Variants in NCALD observed in about 807,000 individuals in gnomAD.
The protein encoded by NCALD is neurocalcin-delta.
In NCALD, 10 loss-of-function variants were observed where a neutral mutation model predicts 18.6. That is an observed-to-expected ratio of 0.54 (90% CI 0.33 to 0.91). The LOEUF (loss-of-function observed/expected upper bound fraction) is 0.91, where lower values mean the gene tolerates loss of function less well. NCALD is among the 40% of genes least tolerant of loss of function. The pLI, the probability that NCALD is intolerant of heterozygous loss-of-function variation, is 0.03. For missense variants in NCALD, 184 were observed against 247.6 expected (o/e 0.74, Z 1.72); for synonymous variants, 88 against 87.4 (o/e 1.01, Z -0.04).
chr8:101,900,913 T>C (rs1442217603), intron 3 of NCALD, among the ~76,000 whole-genome samples: 2 of 152,068 alleles, frequency 1.3e-5, no homozygotes, highest in Non-Finnish European at 2.9e-5. Context: ...CTATCAGTTA[T>C]TGAGAGAAGT....
At chr8:102,000,547 A>G (rs902905074) in intron 2 of NCALD, among the ~76,000 whole-genome samples, 3 of 152,198 alleles carry the variant, frequency 2.0e-5, no homozygotes, top group Non-Finnish European at 4.4e-5. Context: ...CTCCCAGCAC[A>G]CAGCTTGAGA....
At chr8:101,747,543 T>C (rs1444392675) in intron 1 of NCALD, among the ~76,000 whole-genome samples, 2 of 152,128 alleles carry the variant, frequency 1.3e-5, no homozygotes, top group African/African-American at 4.8e-5. Flanking sequence ...TAGTGTGAGA[T>C]AGAGAATAAA....
chr8:102,084,791 G>A (rs982772016), intron 1 of NCALD, among the ~76,000 whole-genome samples: 8 of 152,184 alleles, frequency 5.3e-5, no homozygotes, highest in Admixed American at 4.6e-4. Flanking sequence ...ACTTTCAGGT[G>A]TTTTCTATCT....
chr8:101,696,393 G>C (rs1586226173), intron 2 of NCALD, among the ~76,000 whole-genome samples: 1 of 152,212 alleles, frequency 6.6e-6, no homozygotes, highest in Non-Finnish European at 1.5e-5. Flanking sequence ...TATAGTGGGA[G>C]AGTTAGGTTT....
chr8:101,980,823 C>T (rs1563505106), intron 2 of NCALD, among the ~76,000 whole-genome samples: 1 of 152,180 alleles, frequency 6.6e-6, no homozygotes, highest in South Asian at 2.1e-4. Context: ...GATTGCATAG[C>T]CATGAAGATC....
At chr8:101,825,192 C>A (rs1334906858) in intron 4 of NCALD, among the ~76,000 whole-genome samples, 1 of 152,226 alleles carries the variant, frequency 6.6e-6, no homozygotes, top group Non-Finnish European at 1.5e-5. Flanking sequence ...CTGTTGTCAT[C>A]CTCTGAGCAG....
At chr8:102,014,133 C>A (rs1821999151) in intron 2 of NCALD, among the ~76,000 whole-genome samples, 1 of 152,122 alleles carries the variant, frequency 6.6e-6, no homozygotes, top group African/African-American at 2.4e-5. Flanking sequence ...AGTCTCTGTC[C>A]ATTTGGGCTG....
chr8:101,705,654 C>G (rs78069044), intron 2 of NCALD, among the ~76,000 whole-genome samples: 57 of 152,164 alleles, frequency 3.7e-4, no homozygotes, highest in Non-Finnish European at 6.5e-4. Context: ...AAAGGAGATA[C>G]AGCTCTGCCT....
intron 2 of NCALD, among the ~76,000 whole-genome samples, chr8:101,949,775 C>T (rs200835209): frequency 6.7e-6 from 1 of 148,342 alleles, no homozygotes; most frequent in Non-Finnish European, 1.5e-5. Context: ...CAGGTTGAGA[C>T]AAAAAAAAAA....
At chr8:102,089,400 A>G (rs2132366560) in intron 1 of NCALD, among the ~76,000 whole-genome samples, 1 of 149,256 alleles carries the variant, frequency 6.7e-6, no homozygotes, top group East Asian at 2.0e-4. Flanking sequence ...TCTCAAAGGA[A>G]AAAAAAAAAA....
intron 4 of NCALD, among the ~76,000 whole-genome samples, chr8:101,846,597 C>A (rs1814877828): frequency 6.6e-6 from 1 of 152,136 alleles, no homozygotes; most frequent in Non-Finnish European, 1.5e-5. Context: ...TAGTGCCTAT[C>A]TTGGCCACCA....
chr8:101,946,874 T>C (rs896833760), intron 2 of NCALD, among the ~76,000 whole-genome samples: 2 of 144,594 alleles, frequency 1.4e-5, no homozygotes, highest in African/African-American at 5.2e-5. Flanking sequence ...TGATAATTAA[T>C]GACCCAAATA....
intron 3 of NCALD, among the ~76,000 whole-genome samples, chr8:101,902,061 G>A (rs1817446237): frequency 6.6e-6 from 1 of 152,190 alleles, no homozygotes; most frequent in Non-Finnish European, 1.5e-5. Flanking sequence ...AAAGTGCTGG[G>A]ATTACAGGCG....
chr8:101,989,947 C>G (rs769782670), intron 2 of NCALD, among the ~76,000 whole-genome samples: 4 of 152,220 alleles, frequency 2.6e-5, no homozygotes, highest in Non-Finnish European at 4.4e-5. Flanking sequence ...CACAGCCTTT[C>G]ACATCACATT....
In NCALD at chr8:101,806,891, A is replaced by AT. The variant is rs1011298165; in HGVS notation, c.-20+80249_-20+80250insA. ...AAATGCTGAAAGACAAAGACAAAAAAAAAAAATTGAAAGCAGCAAGAGAAA... is the reference window on the plus strand; with the variant it reads ...AAATGCTGAAAGACAAAGACAAAAAATAAAAAATTGAAAGCAGCAAGAGAAA... On this transcript the variant is annotated intron_variant, in intron 4 of 6. Coordinates refer to the NCALD transcript ENST00000311028. Among the ~76,000 whole-genome samples, 52 of 152,112 alleles carry AT rather than the reference A, an allele frequency of 3.4e-4. 1 individual carries two copies. Among genetic ancestry groups the AT allele is most frequent in the African/African-American group, 1.3e-3 (52 of 41,444 alleles).
At chr8:101,944,016 G>C (rs1225938556) in intron 2 of NCALD, among the ~76,000 whole-genome samples, 1 of 152,032 alleles carries the variant, frequency 6.6e-6, no homozygotes, top group Non-Finnish European at 1.5e-5. Flanking sequence ...AACTTGTCCT[G>C]CTTACTCTAA....
At chr8:101,932,516 G>A (rs558936213) in intron 2 of NCALD, among the ~76,000 whole-genome samples, 1 of 152,232 alleles carries the variant, frequency 6.6e-6, no homozygotes, top group South Asian at 2.1e-4. Context: ...ATATGGCCAA[G>A]GCAAGCTGTG....
chr8:101,901,176 A>C (rs903546302), intron 3 of NCALD, among the ~76,000 whole-genome samples: 1 of 151,960 alleles, frequency 6.6e-6, no homozygotes, highest in Admixed American at 6.6e-5. Flanking sequence ...GCTTTTTAAA[A>C]AATTAATATT....
intron 2 of NCALD, among the ~76,000 whole-genome samples, chr8:102,007,185 T>G (rs1162367984): frequency 6.6e-6 from 1 of 152,232 alleles, no homozygotes; most frequent in Non-Finnish European, 1.5e-5. Flanking sequence ...GAAATCTGAA[T>G]AGTCTGTAGC....
Sources: gnomAD v4.1 joint callset for allele counts (sites outside exome capture counted in the v4.1 genomes callset) on GRCh38, gnomAD v4.1.1 for gene constraint, MANE v1.5 for transcripts, NCBI Gene and HGNC (gene_info 2026-07-23, HGNC 2026-07-21) for gene names.